SLC14A2: variants seen among roughly 807,000 people sequenced by gnomAD.
SLC14A2 encodes the protein solute carrier family 14 member 2.
A neutral mutation model predicts 104.6 loss-of-function variants in SLC14A2; 91 were observed. The observed-to-expected ratio is 0.87, with a 90% CI of 0.73 to 1.04. SLC14A2 has a LOEUF of 1.04. Among genes scored for constraint, SLC14A2 ranks in the 50% least tolerant of loss-of-function variants. SLC14A2 has a pLI of 0.00. For synonymous variants in SLC14A2, 476 were observed against 466.4 expected, an observed-to-expected ratio of 1.02 and a Z score of -0.27; for missense variants, 1,189 against 1,156.0, an observed-to-expected ratio of 1.03 and a Z score of -0.41.
chr18:45,411,977 A>G (rs2086220276), intron 1 of SLC14A2, among the ~76,000 whole-genome samples: 1 of 152,166 alleles, frequency 6.6e-6, no homozygotes, highest in African/African-American at 2.4e-5. Flanking sequence ...CCAACCAAGA[A>G]AAAGTCTGAA....
intron 1 of SLC14A2, among the ~76,000 whole-genome samples, chr18:45,361,004 A>G (rs561645957): frequency 6.6e-6 from 1 of 152,266 alleles, no homozygotes; most frequent in African/African-American, 2.4e-5. Flanking sequence ...CTTTAAAAAC[A>G]TTGAAATAAA....
At chr18:45,201,544 T>A in the SLC14A2 span, among the ~76,000 whole-genome samples, 13 of 112,018 alleles carry the variant, frequency 1.2e-4, no homozygotes, top group East Asian at 8.5e-4. Context: ...CATGTATGTA[T>A]GTGTGTAGTG....
intron 1 of SLC14A2, among the ~76,000 whole-genome samples, chr18:45,621,205 G>C (rs561257556): frequency 6.6e-6 from 1 of 152,286 alleles, no homozygotes; most frequent in African/African-American, 2.4e-5. Flanking sequence ...GGGGCTTGTC[G>C]GATTTCACTG....
At chr18:45,210,175 T>C (rs1201802319), upstream of SLC14A2, among the ~76,000 whole-genome samples, 4 of 152,138 alleles carry the variant, frequency 2.6e-5, no homozygotes, top group Non-Finnish European at 5.9e-5. Context: ...ATAGAATGAG[T>C]ATTTCATACC....
intron 1 of SLC14A2, among the ~76,000 whole-genome samples, chr18:45,621,624 C>T (rs1241259450): frequency 6.6e-6 from 1 of 152,164 alleles, no homozygotes; most frequent in Non-Finnish European, 1.5e-5. Context: ...ATTTATTGAA[C>T]CCTTACTACA....
chr18:45,498,312 A>G (rs1487266671), intron 2 of SLC14A2, among the ~76,000 whole-genome samples: 1 of 152,178 alleles, frequency 6.6e-6, no homozygotes, highest in African/African-American at 2.4e-5. Context: ...CCCTCAGAAG[A>G]GTTCTGTGAG....
chr18:45,601,842 G>A (rs2044794853), intron 2 of SLC14A2, among the ~76,000 whole-genome samples: 2 of 152,206 alleles, frequency 1.3e-5, no homozygotes, highest in African/African-American at 4.8e-5. Context: ...CTGAACTATG[G>A]TGACTTACAC....
chr18:45,394,875 T>C (rs1162489958), intron 1 of SLC14A2, among the ~76,000 whole-genome samples: 2 of 152,184 alleles, frequency 1.3e-5, no homozygotes, highest in Non-Finnish European at 1.5e-5. Flanking sequence ...TTGGTAGGAA[T>C]GTAAAATGGT....
At chr18:45,261,606 T>C (rs1476708390) in intron 1 of SLC14A2, among the ~76,000 whole-genome samples, 1 of 151,820 alleles carries the variant, frequency 6.6e-6, no homozygotes, top group East Asian at 2.0e-4. Flanking sequence ...CCCCTTCCTG[T>C]GTCCATGTGT....
chr18:45,665,688 C>CTTTTTTTTTTTTT lies in SLC14A2; in HGVS notation c.1475-433_1475-421dup, dbSNP rs146248418. On this transcript the variant is annotated intron_variant, in intron 11 of 19. Transcript: ENST00000255226. ...AAGGGCTTCAACAACAACCAAGTTT[C>CTTTTTTTTTTTTT]TTTTTTTTTTTTTTTTTTTTTTTTT... is the stretch of plus-strand genomic sequence containing the variant. Among the ~76,000 whole-genome samples, 32 of 79,302 alleles carry CTTTTTTTTTTTTT rather than the reference C, an allele frequency of 4.0e-4. 1 individual carries two copies. The highest frequency in any genetic ancestry group is 1.3e-3 in the African/African-American group (24 of 18,134). 52.0% of individuals were successfully genotyped at this position (79,302 alleles called of 152,430 possible). A position where few individuals can be genotyped will look rare whatever the true frequency, so the allele number is the denominator to read the frequency against.
At chr18:45,570,777 A>G (rs1276642803) in intron 2 of SLC14A2, among the ~76,000 whole-genome samples, 19 of 152,366 alleles carry the variant, frequency 1.2e-4, no homozygotes, top group African/African-American at 4.3e-4. Flanking sequence ...TTTAGAAATT[A>G]GAAGTTGTAA....
intron 2 of SLC14A2, among the ~76,000 whole-genome samples, chr18:45,573,481 A>T (rs1213710969): frequency 6.6e-6 from 1 of 152,248 alleles, no homozygotes; most frequent in Non-Finnish European, 1.5e-5. Flanking sequence ...GTTATAAGTT[A>T]CAAATAAAAA....
rs1205842987 is a variant in SLC14A2, at chr18:45,667,948, C to A, written c.1833C>A (p.Asn611Lys). Reference protein sequence around the residue: ...ILIILGLFIQNPWWAISGCLG... With the variant: ...ILIILGLFIQKPWWAISGCLG... The stretch of plus-strand genomic sequence containing the variant: ...TCATCCTCGGCCTCTTCATCCAGAA[C>A]CCCTGGTGGGCGATCTCAGGCTGCC... Residue 611 changes from asparagine (N) to lysine (K), a missense_variant, in exon 14 of 20, where the codon AAC becomes AAA. Physicochemically the swap from Asn to Lys is moderately conservative, Grantham distance 94. Coordinates refer to ENST00000255226, the MANE Select transcript of SLC14A2 (RefSeq NM_007163.4). 3.1e-6 allele frequency: 5 copies of A among 1,614,036 alleles called. No homozygotes were observed. Among genetic ancestry groups the A allele is most frequent in the African/African-American group, 2.7e-5 (2 of 74,918 alleles).
chr18:45,293,267 C>T (rs1414370623), intron 1 of SLC14A2, among the ~76,000 whole-genome samples: 1 of 152,030 alleles, frequency 6.6e-6, no homozygotes, highest in East Asian at 1.9e-4. Flanking sequence ...GGTGTTATTT[C>T]ATTCATTCAT....
intron 1 of SLC14A2, among the ~76,000 whole-genome samples, chr18:45,301,965 CTT>C (rs2084972898): frequency 6.6e-6 from 1 of 152,190 alleles, no homozygotes; most frequent in African/African-American, 2.4e-5. Context: ...AGTCACCTGT[CTT>C]TGAAACTTTC....
At chr18:45,231,693 G>A (rs555593108) in intron 1 of SLC14A2, among the ~76,000 whole-genome samples, 1 of 152,250 alleles carries the variant, frequency 6.6e-6, no homozygotes, top group African/African-American at 2.4e-5. Context: ...TATGCAAATG[G>A]CATGATCAAT....
At chr18:45,458,636 A>G (rs994798245) in intron 1 of SLC14A2, among the ~76,000 whole-genome samples, 7 of 152,138 alleles carry the variant, frequency 4.6e-5, no homozygotes, top group Non-Finnish European at 8.8e-5. Context: ...TTAAGTTATA[A>G]CTGGAAGAAA....
chr18:45,451,320 C>T (rs1427985311), intron 1 of SLC14A2, among the ~76,000 whole-genome samples: 1 of 151,992 alleles, frequency 6.6e-6, no homozygotes, highest in Non-Finnish European at 1.5e-5. Context: ...AGATACACTT[C>T]CTGCATTCTT....
intron 2 of SLC14A2, among the ~76,000 whole-genome samples, chr18:45,598,695 G>A (rs2044747242): frequency 6.6e-6 from 1 of 152,112 alleles, no homozygotes; most frequent in South Asian, 2.1e-4. Context: ...GAAAAGAGGT[G>A]GGTCTGCATT....
Sources: gnomAD v4.1 joint callset for allele counts (sites outside exome capture counted in the v4.1 genomes callset) on GRCh38, gnomAD v4.1.1 for gene constraint, MANE v1.5 for transcripts, NCBI Gene and HGNC (gene_info 2026-07-23, HGNC 2026-07-21) for gene names.